ACTN4: variants seen among roughly 807,000 people sequenced by gnomAD.
The protein encoded by ACTN4 is actinin alpha 4, also known as alpha-actinin-4.
ACTN4 carries 18 observed loss-of-function variants against 114.2 expected under a neutral mutation model. That is an observed-to-expected ratio of 0.16 (90% CI 0.11 to 0.23). The LOEUF (loss-of-function observed/expected upper bound fraction) is 0.23. Ranked by LOEUF, ACTN4 falls within the 10% of genes least tolerant of loss-of-function variation. The pLI is 1.00. For synonymous variants in ACTN4, 515 were observed against 506.3 expected, an observed-to-expected ratio of 1.02 and a Z score of -0.23; for missense variants, 722 against 1,262.9, an observed-to-expected ratio of 0.57 and a Z score of 6.49.
intron 1 of ACTN4, among the ~76,000 whole-genome samples, chr19:38,670,183 G>T (rs1238451739): frequency 6.6e-6 from 1 of 152,144 alleles, no homozygotes; most frequent in Non-Finnish European, 1.5e-5. Context: ...TAGGAAACTT[G>T]GTGTTTCCAC....
At chr19:38,723,828 G>A (rs1250809343) in intron 13 of ACTN4, 106 bp downstream of exon 13, 4 of 1,475,602 alleles carry the variant, frequency 2.7e-6, no homozygotes, top group Non-Finnish European at 9.3e-7. Context: ...CTCCCACGGA[G>A]AGGATGTTCT....
intron 1 of ACTN4, among the ~76,000 whole-genome samples, chr19:38,693,130 G>T (rs752967757): frequency 5.3e-5 from 8 of 152,154 alleles, no homozygotes; most frequent in Non-Finnish European, 7.4e-5. Flanking sequence ...GCGGCATGAG[G>T]CAGCAAACGT....
At chr19:38,718,757 G>A (rs115654631) in intron 11 of ACTN4, among the ~76,000 whole-genome samples, 1,719 of 152,304 alleles carry the variant, frequency 0.011, 30 homozygotes, top group African/African-American at 0.04. Flanking sequence ...CAGGGCGAGT[G>A]TGTGGGGCAG....
At position 38,731,177 on chromosome 19, in the gene ACTN4, G is replaced by A. The variant is rs1198413855; in HGVS notation, c.*1745G>A. On this transcript the variant is annotated 3_prime_UTR_variant, in exon 21 of 21. Coordinates refer to ENST00000252699, the MANE Select transcript of ACTN4 (RefSeq NM_004924.6). Reference sequence around the variant, plus strand: ...AGTCCACACGCAGACGGCTATCCCGGTAGCGGCTGGTGAGGGTCTGGGTCA... The same window carrying A: ...AGTCCACACGCAGACGGCTATCCCGATAGCGGCTGGTGAGGGTCTGGGTCA... 4 of 1,613,130 alleles carry A rather than the reference G, an allele frequency of 2.5e-6. No individual in the cohort carries two copies. Among genetic ancestry groups the A allele is most frequent in the Non-Finnish European group, 3.4e-6 (4 of 1,180,012 alleles).
chr19:38,718,703 A>T (rs1338277129), intron 11 of ACTN4, among the ~76,000 whole-genome samples: 1 of 152,074 alleles, frequency 6.6e-6, no homozygotes, highest in East Asian at 1.9e-4. Flanking sequence ...CAGGGAAGTG[A>T]CCTTACACCC....
intron 1 of ACTN4, among the ~76,000 whole-genome samples, chr19:38,679,294 T>C (rs8103149): frequency 0.014 from 2,145 of 152,278 alleles, 58 homozygotes; most frequent in African/African-American, 0.047. Context: ...CATCTGCGCA[T>C]CACTTACCAT....
rs1031416119 is a variant in ACTN4 at position 38,724,890 on chromosome 19, C to T, written c.2010+325C>T. ...ATGATGGTGCGCAGCCCAAGGAGGT[C>T]GAGGCTGCCGTGAGCTACGATCATG... On this transcript the variant is annotated intron_variant, in intron 16 of 20. Coordinates refer to ENST00000252699, the MANE Select transcript of ACTN4 (RefSeq NM_004924.6). The surrounding 1 kb of genome is among the most constrained non-coding windows in gnomAD (Gnocchi z 7.0). Among the ~76,000 whole-genome samples, 4 of 152,152 alleles carry T rather than the reference C, an allele frequency of 2.6e-5. No individual in the cohort carries two copies. The highest frequency in any genetic ancestry group is 9.7e-5 in the African/African-American group (4 of 41,430).
chr19:38,673,649 ATATATT>A lies in ACTN4; in HGVS notation c.162+25748_162+25753del, dbSNP rs1247894386. Among the ~76,000 whole-genome samples the A allele has an allele frequency of 1.6e-4, 8 of 51,534 alleles. 1 individual carries two copies. Among genetic ancestry groups the A allele is most frequent in the African/African-American group, 5.4e-4 (8 of 14,816 alleles). The allele number at this position is 51,534 out of a possible 152,430, so 33.8% of individuals were successfully genotyped here. ...TATTCATATATATTTATATATATTT[ATATATT>A]TATATATATTATATATATTTATATA... On this transcript the variant is annotated intron_variant, in intron 1 of 20. Transcript: ENST00000252699.
intron 1 of ACTN4, among the ~76,000 whole-genome samples, chr19:38,691,427 A>G (rs1967926131): frequency 6.6e-6 from 1 of 151,210 alleles, no homozygotes; most frequent in Admixed American, 6.6e-5. Flanking sequence ...AAAAAAACAA[A>G]AAAAAAAACC....
intron 1 of ACTN4, among the ~76,000 whole-genome samples, chr19:38,665,214 G>C (rs1293385912): frequency 6.6e-6 from 1 of 152,184 alleles, no homozygotes; most frequent in Non-Finnish European, 1.5e-5. Context: ...TGGCAAGAAG[G>C]CTGGGCCAGA....
At position 38,716,963 on chromosome 19, in the gene ACTN4, GGGGTAAC is replaced by G. The variant is rs555942368; in HGVS notation, c.913-122_913-116del. On this transcript the variant is annotated intron_variant, in intron 9 of 20. Transcript: ENST00000252699. The stretch of plus-strand genomic sequence containing the variant: ...CGTGGAGAAGTTGGGCTGGGGAGCA[GGGGTAAC>G]CCCCTAAGGTGGGGCCCTCAAAGAT... 2.9e-4 allele frequency: 321 copies of G among 1,115,132 alleles called. 7 individuals are homozygous for G. The South Asian group carries it at 4.1e-3, about 14-fold the overall frequency. 69.1% of individuals were successfully genotyped at this position (1,115,132 alleles called of 1,614,324 possible). A position where few individuals can be genotyped will look rare whatever the true frequency, so the allele number is the denominator to read the frequency against.
intron 1 of ACTN4, among the ~76,000 whole-genome samples, chr19:38,653,684 C>CT (rs1191170588): frequency 6.6e-6 from 1 of 152,168 alleles, no homozygotes; most frequent in Non-Finnish European, 1.5e-5. Context: ...AGTTTCCTTC[C>CT]TTTGCCTTCA....
intron 1 of ACTN4, among the ~76,000 whole-genome samples, chr19:38,698,332 T>A (rs1262755494): frequency 6.6e-6 from 1 of 152,096 alleles, no homozygotes; most frequent in Non-Finnish European, 1.5e-5. Context: ...CGTGCCCACA[T>A]GAGTGGTGTA....
chr19:38,692,820 C>G (rs1312398463), intron 1 of ACTN4, among the ~76,000 whole-genome samples: 1 of 152,162 alleles, frequency 6.6e-6, no homozygotes, highest in Non-Finnish European at 1.5e-5. Flanking sequence ...GAAGCAGGAA[C>G]CATGGGCAGC....
In ACTN4 at chr19:38,718,059, G is replaced by A. The variant is rs752949932; in HGVS notation, c.1276G>A (p.Glu426Lys). 9.4e-5 allele frequency: 151 copies of A among 1,608,996 alleles called. No individual in the cohort carries two copies. The highest frequency in any genetic ancestry group is 1.2e-4 in the Non-Finnish European group (145 of 1,177,942). ...GTTCCGGCAGAAGGCCTCCATCCAC[G>A]AGGCCTGGACTGACGGTACGGCCCA... ...EKFRQKASIH[E>K]AWTDGKEAML... The change falls in exon 11 of 21, where the codon GAG becomes AAG. Residue 426 changes from glutamate (E) to lysine (K), a missense_variant. Physicochemically the swap from Glu to Lys is moderately conservative, Grantham distance 56 (BLOSUM62 1). Transcript: ENST00000252699.
Position 38,668,523 on chromosome 19 carries a change from TA to T in ACTN4, c.162+20620del, listed in dbSNP as rs1196950394. Among the ~76,000 whole-genome samples the T allele has an allele frequency of 2.0e-5, 3 of 152,002 alleles. 1 individual carries two copies. The highest frequency in any genetic ancestry group is 4.2e-4 in the South Asian group (2 of 4,810). On this transcript the variant is annotated intron_variant, in intron 1 of 20. Transcript: ENST00000252699. ...CAACATGGTGATACCCCGTCTCTAC[TA>T]AAATACAAAACATTAGCTGGGCATG...
intron 1 of ACTN4, among the ~76,000 whole-genome samples, chr19:38,696,582 T>TC (rs1487417001): frequency 6.6e-6 from 1 of 152,210 alleles, no homozygotes; most frequent in Non-Finnish European, 1.5e-5. Context: ...CACCAGTCTC[T>TC]CCGCATGGAG....
chr19:38,667,689 G>A (rs1203237524), intron 1 of ACTN4, among the ~76,000 whole-genome samples: 2 of 145,126 alleles, frequency 1.4e-5, no homozygotes, highest in South Asian at 2.2e-4. Context: ...CTAGTCTGAT[G>A]TATCTGTTTC....
At chr19:38,672,269 C>G (rs1203677189) in intron 1 of ACTN4, among the ~76,000 whole-genome samples, 1 of 116,718 alleles carries the variant, frequency 8.6e-6, no homozygotes, top group Admixed American at 1.1e-4. Flanking sequence ...GAGACGGAGT[C>G]TTTCTCTGTC....
Sources: allele counts gnomAD v4.1 joint callset (sites outside exome capture counted in the v4.1 genomes callset), GRCh38; gene constraint gnomAD v4.1.1; non-coding constraint Gnocchi (gnomAD v3.1); transcripts MANE v1.5; gene names NCBI Gene and HGNC (gene_info 2026-07-23, HGNC 2026-07-21).